Variants in DGLUCY observed in about 807,000 individuals in gnomAD.
DGLUCY encodes D-glutamate cyclase, mitochondrial.
Under a neutral mutation model 58.5 loss-of-function variants are expected in DGLUCY, and 58 were observed. That is an observed-to-expected ratio of 0.99 (90% CI 0.80 to 1.23). The LOEUF is 1.23. Among genes scored for constraint, DGLUCY ranks in the 50% most tolerant of loss-of-function variants. The probability of loss-of-function intolerance (pLI) is 0.00; values close to 1 mark genes in which losing one functional copy is unlikely to be tolerated. For synonymous variants in DGLUCY, 325 were observed against 314.1 expected, an observed-to-expected ratio of 1.03 and a Z score of -0.37; for missense variants, 779 against 784.7, an observed-to-expected ratio of 0.99 and a Z score of 0.09.
In DGLUCY at chr14:91,173,440, G is replaced by T. The variant is rs768519537; in HGVS notation, c.607+1G>T. 6.3e-7 allele frequency: 1 copy of T among 1,597,178 alleles called. No homozygotes were observed. Among genetic ancestry groups the T allele is most frequent in the Non-Finnish European group, 8.5e-7 (1 of 1,173,796 alleles). On this transcript the variant is annotated splice_donor_variant, in intron 6 of 13. Coordinates refer to ENST00000256324, the MANE Select transcript of DGLUCY (RefSeq NM_001102368.3). LOFTEE classifies it high-confidence loss of function. ...CAACCTGTTCACATGGGCGACCCAGGTCAGTGTCTCTCGCTCCTGCCCATG... is the reference window on the plus strand; with the variant it reads ...CAACCTGTTCACATGGGCGACCCAGTTCAGTGTCTCTCGCTCCTGCCCATG...
At chr14:91,061,611 A>G (rs756670280) in intron 1 of DGLUCY, among the ~76,000 whole-genome samples, 5 of 152,238 alleles carry the variant, frequency 3.3e-5, no homozygotes, top group African/African-American at 9.6e-5. Context: ...TAACCAACGT[A>G]AAGGATGGAT....
At chr14:91,211,207 TC>T (rs1885634452) in intron 12 of DGLUCY, among the ~76,000 whole-genome samples, 1 of 152,184 alleles carries the variant, frequency 6.6e-6, no homozygotes, top group African/African-American at 2.4e-5. Context: ...GGAGAGATAT[TC>T]CATGTTCATG....
At chr14:91,065,157 A>G (rs1475012007) in intron 1 of DGLUCY, among the ~76,000 whole-genome samples, 1 of 152,140 alleles carries the variant, frequency 6.6e-6, no homozygotes, top group Non-Finnish European at 1.5e-5. Flanking sequence ...TAGGGATCTG[A>G]GGAGAGTGGA....
At chr14:91,128,876 A>G (rs1475967146) in intron 1 of DGLUCY, 1 of 151,988 alleles carries the variant, frequency 6.6e-6, no homozygotes, top group Non-Finnish European at 1.5e-5. Flanking sequence ...TACCCTGGTT[A>G]GTTGGCCTGA....
At chr14:91,172,658 T>C (rs2048632073) in intron 5 of DGLUCY, among the ~76,000 whole-genome samples, 1 of 152,150 alleles carries the variant, frequency 6.6e-6, no homozygotes, top group Admixed American at 6.6e-5. Flanking sequence ...CTTTTTTTTT[T>C]TTCTTTGAGA....
intron 11 of DGLUCY, among the ~76,000 whole-genome samples, chr14:91,202,063 A>ATAATAATAATAATAATAATAG (rs1555405483): frequency 2.4e-5 from 3 of 125,336 alleles, no homozygotes; most frequent in African/African-American, 8.5e-5. Context: ...CTCAAAAATA[A>ATAATAATAATAATAATAATAG]TAATAATAAT....
intron 5 of DGLUCY, among the ~76,000 whole-genome samples, chr14:91,172,933 C>T (rs570275258): frequency 2.4e-4 from 36 of 152,270 alleles, no homozygotes; most frequent in East Asian, 9.6e-4. Context: ...TGTGAGCCAT[C>T]GTGTCTGGCC....
At chr14:91,207,091 TGAG>T (rs1232209833) in intron 12 of DGLUCY, among the ~76,000 whole-genome samples, 1 of 136,908 alleles carries the variant, frequency 7.3e-6, no homozygotes, top group Non-Finnish European at 1.5e-5. Context: ...CCCAGGAAGA[TGAG>T]GCTGCAGTGA....
At chr14:91,064,160 A>G (rs1310747130) in intron 1 of DGLUCY, among the ~76,000 whole-genome samples, 1 of 152,190 alleles carries the variant, frequency 6.6e-6, no homozygotes, top group Non-Finnish European at 1.5e-5. Context: ...AAATTAAAGG[A>G]AGAGCACATA....
upstream of DGLUCY, among the ~76,000 whole-genome samples, chr14:91,103,303 C>T (rs1274870338): frequency 6.6e-6 from 1 of 152,160 alleles, no homozygotes; most frequent in African/African-American, 2.4e-5. Context: ...TGGCCTCAGA[C>T]TGCAAATGGG....
chr14:91,146,250 G>T (rs143759327), intron 1 of DGLUCY, among the ~76,000 whole-genome samples: 159 of 152,338 alleles, frequency 1.0e-3, no homozygotes, highest in African/African-American at 3.5e-3. Flanking sequence ...AAGTGGCTGA[G>T]TTGGGATCTG....
Position 91,068,434 on chromosome 14 carries a change from TGAG to T in DGLUCY, c.-82+7735_-82+7737del, listed in dbSNP as rs558293054. Among the ~76,000 whole-genome samples the T allele has an allele frequency of 1.3e-3, 192 of 152,296 alleles. 3 individuals are homozygous for T. The highest frequency in any genetic ancestry group is 4.5e-3 in the African/African-American group (185 of 41,562). On this transcript the variant is annotated intron_variant, in intron 1 of 4. Coordinates refer to the DGLUCY transcript ENST00000521334. ...CTGTAATCCCAACACTTTGGGAGGC[TGAG>T]GAGGGTGGATCACCTGAGGTTGGGA...
intron 1 of DGLUCY, among the ~76,000 whole-genome samples, chr14:91,108,651 C>T (rs1427606900): frequency 6.6e-6 from 1 of 152,002 alleles, no homozygotes; most frequent in Non-Finnish European, 1.5e-5. Flanking sequence ...CATCCTCCTG[C>T]CTCAGCCTCC....
At chr14:91,202,138 T>C (rs1214534325) in intron 11 of DGLUCY, among the ~76,000 whole-genome samples, 1 of 151,846 alleles carries the variant, frequency 6.6e-6, no homozygotes, top group Non-Finnish European at 1.5e-5. Flanking sequence ...GGCTTCACAT[T>C]CATTGTAGTG....
chr14:91,140,997 G>C (rs1273438320), intron 1 of DGLUCY, among the ~76,000 whole-genome samples: 1 of 152,164 alleles, frequency 6.6e-6, no homozygotes, highest in Non-Finnish European at 1.5e-5. Context: ...ATTTCTACCA[G>C]TGGATAGTTC....
intron 1 of DGLUCY, among the ~76,000 whole-genome samples, chr14:91,066,067 G>A (rs1468721694): frequency 6.6e-6 from 1 of 152,178 alleles, no homozygotes; most frequent in Non-Finnish European, 1.5e-5. Flanking sequence ...TTGAAAATAT[G>A]TTTCTTCCTC....
intron 1 of DGLUCY, among the ~76,000 whole-genome samples, chr14:91,062,557 AAATATATATATATAT>A (rs1351592642): frequency 4.1e-5 from 1 of 24,426 alleles, no homozygotes. Context: ...AAAAAAAAAA[AAATATATATATATAT>A]ATATATATAT....
At chr14:91,071,350 A>AAAG (rs1183587281) in intron 1 of DGLUCY, among the ~76,000 whole-genome samples, 3 of 151,622 alleles carry the variant, frequency 2.0e-5, no homozygotes, top group Admixed American at 1.3e-4. Flanking sequence ...AAAAAAAAAA[A>AAAG]AAGAAGTCTA....
chr14:91,205,965 G>T (rs1359466048), intron 12 of DGLUCY, among the ~76,000 whole-genome samples: 1 of 143,842 alleles, frequency 7.0e-6, no homozygotes, highest in African/African-American at 2.6e-5. Context: ...TCAGCCTCCC[G>T]AGTAGCTGGG....
Sources: allele counts gnomAD v4.1 joint callset (sites outside exome capture counted in the v4.1 genomes callset), GRCh38; gene constraint gnomAD v4.1.1; transcripts MANE v1.5; gene names NCBI Gene and HGNC (gene_info 2026-07-23, HGNC 2026-07-21).